The following PSMA1 variants were observed in gnomAD, a reference collection of about 807,000 sequenced individuals.
The protein encoded by PSMA1 is proteasome subunit alpha type-1.
Under a neutral mutation model 38.4 loss-of-function variants are expected in PSMA1, and 3 were observed. The observed-to-expected ratio is 0.08, with a 90% CI of 0.04 to 0.20. The LOEUF (loss-of-function observed/expected upper bound fraction) is 0.20. Among genes scored for constraint, PSMA1 ranks in the 10% least tolerant of loss-of-function variants. PSMA1 has a pLI of 1.00. For missense variants in PSMA1, 227 were observed against 325.3 expected (o/e 0.70, Z 2.32); for synonymous variants, 101 against 107.1 (o/e 0.94, Z 0.35).
At chr11:14,607,543 T>G (rs936468911) in intron 2 of PSMA1, among the ~76,000 whole-genome samples, 2 of 152,172 alleles carry the variant, frequency 1.3e-5, no homozygotes, top group African/African-American at 2.4e-5. Flanking sequence ...AGATGATGTC[T>G]AGCCAAGTTG....
intron 1 of PSMA1, among the ~76,000 whole-genome samples, chr11:14,634,026 G>A (rs1853077250): frequency 6.6e-6 from 1 of 152,142 alleles, no homozygotes; most frequent in East Asian, 1.9e-4. Flanking sequence ...CCACTGACCT[G>A]CGCCCACTGT....
chr11:14,547,199 T>G (rs1046495548), intron 2 of PSMA1, among the ~76,000 whole-genome samples: 1 of 152,230 alleles, frequency 6.6e-6, no homozygotes, highest in African/African-American at 2.4e-5. Flanking sequence ...GAACTTTGCC[T>G]TCTTTCCAAA....
At chr11:14,518,079 A>C (rs1312498645) in intron 2 of PSMA1, 98 bp from the exon 3 acceptor site, 1 of 885,288 alleles carries the variant, frequency 1.1e-6, no homozygotes, top group Non-Finnish European at 1.7e-6. Flanking sequence ...TTAAATCTCA[A>C]CTGATTTTTT....
chr11:14,626,807 A>T (rs1590015526), intron 1 of PSMA1, among the ~76,000 whole-genome samples: 1 of 152,234 alleles, frequency 6.6e-6, no homozygotes, highest in Non-Finnish European at 1.5e-5. Flanking sequence ...CTCCTGATAT[A>T]TGACAGATGT....
Position 14,519,050 on chromosome 11 carries a change from A to G in PSMA1, c.4-9T>C. The G allele has an allele frequency of 6.4e-7, 1 of 1,561,352 alleles. No individual in the cohort carries two copies. Among genetic ancestry groups the G allele is most frequent in the East Asian group, 2.2e-5 (1 of 44,560 alleles). ...TCATACTGATTTCGAAACTAAAAGT[A>G]AAAGAAAAAAATACCTGTTAATAGA... On this transcript the variant is annotated splice_polypyrimidine_tract_variant and intron_variant, in intron 1 of 9. Transcript: ENST00000396394.
At chr11:14,546,899 G>T (rs1476032968) in intron 2 of PSMA1, among the ~76,000 whole-genome samples, 1 of 152,164 alleles carries the variant, frequency 6.6e-6, no homozygotes, top group Non-Finnish European at 1.5e-5. Flanking sequence ...CAAAAATTTA[G>T]TCACTCTTCA....
chr11:14,597,255 T>C (rs1852508981), intron 2 of PSMA1, among the ~76,000 whole-genome samples: 1 of 152,244 alleles, frequency 6.6e-6, no homozygotes, highest in South Asian at 2.1e-4. Context: ...GATGTTGGCC[T>C]CATAAAATGA....
chr11:14,626,505 CTT>C (rs926070835), intron 1 of PSMA1, among the ~76,000 whole-genome samples: 2 of 152,192 alleles, frequency 1.3e-5, no homozygotes, highest in Middle Eastern at 3.4e-3. Flanking sequence ...AGATGGGTCT[CTT>C]ATATATTAAT....
chr11:14,553,911 TG>T (rs1216580790), intron 2 of PSMA1, among the ~76,000 whole-genome samples: 5 of 152,160 alleles, frequency 3.3e-5, no homozygotes, highest in Non-Finnish European at 5.9e-5. Context: ...TTTTGCAGAG[TG>T]GCTATACCAT....
At chr11:14,634,195 C>G (rs981295293) in intron 1 of PSMA1, among the ~76,000 whole-genome samples, 8 of 152,164 alleles carry the variant, frequency 5.3e-5, no homozygotes, top group Non-Finnish European at 7.4e-5. Flanking sequence ...AATCATCCCC[C>G]CCGGTCTGTG....
intron 2 of PSMA1, among the ~76,000 whole-genome samples, chr11:14,552,926 G>A (rs939981961): frequency 2.0e-5 from 3 of 149,024 alleles, no homozygotes; most frequent in African/African-American, 7.4e-5. Flanking sequence ...TCCTGGGCTC[G>A]AGCAATCCCT....
At chr11:14,642,760 G>T (rs904956851) in intron 1 of PSMA1, among the ~76,000 whole-genome samples, 5 of 152,188 alleles carry the variant, frequency 3.3e-5, no homozygotes, top group African/African-American at 1.2e-4. Context: ...CTTTGGTGTA[G>T]TAAAGTTCTT....
chr11:14,568,861 T>C (rs534736646), intron 2 of PSMA1, among the ~76,000 whole-genome samples: 2 of 152,304 alleles, frequency 1.3e-5, no homozygotes, highest in African/African-American at 4.8e-5. Flanking sequence ...TCTTTCTTGT[T>C]CATCTCTGAA....
chr11:14,528,937 T>TGA (rs1169695950), intron 2 of PSMA1, among the ~76,000 whole-genome samples: 1 of 152,134 alleles, frequency 6.6e-6, no homozygotes, highest in African/African-American at 2.4e-5. Context: ...AACTAATTAA[T>TGA]GATAATCCAC....
intron 2 of PSMA1, among the ~76,000 whole-genome samples, chr11:14,580,780 A>T (rs1166345172): frequency 6.6e-6 from 1 of 152,180 alleles, no homozygotes; most frequent in Admixed American, 6.5e-5. Flanking sequence ...GTAAGTCTGG[A>T]AGAGGCACAA....
chr11:14,637,088 T>A (rs980541328), intron 1 of PSMA1, among the ~76,000 whole-genome samples: 2 of 152,170 alleles, frequency 1.3e-5, no homozygotes, highest in Non-Finnish European at 2.9e-5. Context: ...CAGAATAAAG[T>A]CCAGGTTTCT....
intron 2 of PSMA1, among the ~76,000 whole-genome samples, chr11:14,589,932 T>G (rs1852391172): frequency 6.6e-6 from 1 of 152,158 alleles, no homozygotes; most frequent in Admixed American, 6.5e-5. Flanking sequence ...AGCCCAAAGT[T>G]GGAAGGAGCA....
At chr11:14,545,619 A>G (rs1028147305) in intron 2 of PSMA1, among the ~76,000 whole-genome samples, 2 of 152,192 alleles carry the variant, frequency 1.3e-5, no homozygotes, top group African/African-American at 2.4e-5. Flanking sequence ...AGCTCCATCT[A>G]TGTCCCTGCA....
rs182314578 is a variant in PSMA1 at position 14,591,383 on chromosome 11, G to A, written c.21+19583C>T. 4.5e-3 allele frequency among the ~76,000 whole-genome samples: 680 copies of A among 152,312 alleles called. 4 individuals are homozygous for A. Among genetic ancestry groups the A allele is most frequent in the South Asian group, 0.024 (115 of 4,834 alleles). ...GTTCCTGGGCAGCTGGAGCCTCCCCGATGAGTGCCGCCCCCTGCTCCAGGG... is the reference window on the plus strand; with the variant it reads ...GTTCCTGGGCAGCTGGAGCCTCCCCAATGAGTGCCGCCCCCTGCTCCAGGG... On this transcript the variant is annotated intron_variant, in intron 2 of 10. Transcript: ENST00000418988.
Sources: gnomAD v4.1 joint callset for allele counts (sites outside exome capture counted in the v4.1 genomes callset) on GRCh38, gnomAD v4.1.1 for gene constraint, MANE v1.5 for transcripts, NCBI Gene and HGNC (gene_info 2026-07-23, HGNC 2026-07-21) for gene names.